Variants in NOD1 observed in about 807,000 individuals in gnomAD.
The protein encoded by NOD1 is nucleotide binding oligomerization domain containing 1.
Under a neutral mutation model 81.2 loss-of-function variants are expected in NOD1, and 70 were observed. The observed-to-expected ratio is 0.86, with a 90% CI of 0.71 to 1.05. The LOEUF (loss-of-function observed/expected upper bound fraction) is 1.05, where lower values mean the gene tolerates loss of function less well. NOD1 is among the 50% of genes least tolerant of loss of function. NOD1 has a pLI of 0.00. For missense variants in NOD1, 1,233 were observed against 1,228.0 expected, an observed-to-expected ratio of 1.00 and a Z score of -0.06; for synonymous variants, 508 against 526.9, an observed-to-expected ratio of 0.96 and a Z score of 0.49.
Position 30,452,416 on chromosome 7 carries a change from G to A in NOD1, c.1001C>T (p.Thr334Ile). The A allele has an allele frequency of 6.2e-7, 1 of 1,613,362 alleles. No individual in the cohort carries two copies. Among genetic ancestry groups the A allele is most frequent in the South Asian group, 1.1e-5 (1 of 91,074 alleles). ...KGASKLLTAR[T>I]GIEVPRQFLR... Reference sequence around the variant, plus strand: ...GAACTGGCGCGGGACCTCGATGCCTGTGCGGGCTGTGAGCAGCTTGCTAGC... The same window carrying A: ...GAACTGGCGCGGGACCTCGATGCCTATGCGGGCTGTGAGCAGCTTGCTAGC... The change falls in exon 6 of 14, where the codon ACA becomes ATA. Residue 334 changes from threonine (T) to isoleucine (I), a missense_variant. Thr to Ile is a moderately conservative substitution (Grantham distance 89). Coordinates refer to ENST00000222823, the MANE Select transcript of NOD1 (RefSeq NM_006092.4).
chr7:30,461,564 C>T (rs989843876), intron 1 of NOD1, among the ~76,000 whole-genome samples: 7 of 152,214 alleles, frequency 4.6e-5, no homozygotes, highest in Non-Finnish European at 8.8e-5. Flanking sequence ...TTTAATCGCA[C>T]ATCTCAGTTT....
chr7:30,458,744 T>C (rs899978785), intron 3 of NOD1, among the ~76,000 whole-genome samples: 4 of 151,146 alleles, frequency 2.6e-5, no homozygotes, highest in Admixed American at 6.6e-5. Flanking sequence ...CCTTTTCTTT[T>C]TTTTTTTTTT....
chr7:30,448,138 G>A (rs531021259), intron 7 of NOD1, among the ~76,000 whole-genome samples, 160 bp downstream of exon 7: 7 of 152,250 alleles, frequency 4.6e-5, no homozygotes, highest in Non-Finnish European at 7.4e-5. Context: ...ATGACTGGCC[G>A]AGCCACAAAG....
chr7:30,465,219 GCTCCTCT>G (rs1407395194), intron 1 of NOD1, among the ~76,000 whole-genome samples: 1 of 152,206 alleles, frequency 6.6e-6, no homozygotes, highest in Non-Finnish European at 1.5e-5. Context: ...CCCAGTTAGA[GCTCCTCT>G]CTCAGGGAGT....
chr7:30,465,285 A>T (rs1439530720), intron 1 of NOD1, among the ~76,000 whole-genome samples: 4 of 152,146 alleles, frequency 2.6e-5, no homozygotes, highest in Non-Finnish European at 5.9e-5. Flanking sequence ...AACCCACAGG[A>T]GGTGTGGGTT....
intron 1 of NOD1, among the ~76,000 whole-genome samples, chr7:30,477,282 G>A (rs1393299313): frequency 6.6e-6 from 1 of 152,122 alleles, no homozygotes; most frequent in African/African-American, 2.4e-5. Flanking sequence ...TGGCATATTC[G>A]GTAGAAGTCT....
rs1785821387 is a variant in NOD1 at position 30,452,270 on chromosome 7, T to G, written c.1147A>C (p.Asn383His). The G allele has an allele frequency of 1.2e-6, 2 of 1,613,468 alleles. No individual in the cohort carries two copies. The highest frequency in any genetic ancestry group is 2.2e-5 in the South Asian group (2 of 91,078). ...RLLSQLEANP[N>H]LCSLCSVPLF... Reference sequence around the variant, plus strand: ...GGCACAGAGCACAGGCTGCAGAGGTTGGGGTTGGCCTCCAGCTGGCTCAGC... The same window carrying G: ...GGCACAGAGCACAGGCTGCAGAGGTGGGGGTTGGCCTCCAGCTGGCTCAGC... Residue 383 changes from asparagine to histidine, a missense_variant, in exon 6 of 14, where the codon AAC becomes CAC. Physicochemically the swap from Asn to His is moderately conservative, Grantham distance 68 (BLOSUM62 1). Coordinates refer to ENST00000222823, the MANE Select transcript of NOD1 (RefSeq NM_006092.4).
intron 11 of NOD1, among the ~76,000 whole-genome samples, chr7:30,434,354 A>C (rs943704914): frequency 1.3e-5 from 2 of 152,192 alleles, no homozygotes; most frequent in Non-Finnish European, 2.9e-5. Context: ...TCCATGGGGC[A>C]CCTGGCCATG....
Position 30,424,779 on chromosome 7 carries a change from A to T in NOD1, c.*859T>A, listed in dbSNP as rs1468782713. 6.6e-6 allele frequency: 1 copy of T among 152,248 alleles called. No individual in the cohort carries two copies. Among genetic ancestry groups the T allele is most frequent in the Non-Finnish European group, 1.5e-5 (1 of 68,092 alleles). The allele number at this position is 152,248 out of a possible 1,614,324, so 9.4% of individuals were successfully genotyped here. A position where few individuals can be genotyped will look rare whatever the true frequency, so the allele number is the denominator to read the frequency against. ...AAGGGAGACAAAAGCAGCCATTTGGATGCCAGGGCCACAGGGGCAAGCCAT... is the reference window on the plus strand; with the variant it reads ...AAGGGAGACAAAAGCAGCCATTTGGTTGCCAGGGCCACAGGGGCAAGCCAT... On this transcript the variant is annotated 3_prime_UTR_variant, in exon 14 of 14. Coordinates refer to ENST00000222823, the MANE Select transcript of NOD1 (RefSeq NM_006092.4).
At chr7:30,465,033 GGACA>G (rs1383115902) in intron 1 of NOD1, among the ~76,000 whole-genome samples, 3 of 152,186 alleles carry the variant, frequency 2.0e-5, no homozygotes, top group East Asian at 1.9e-4. Flanking sequence ...CAACTGGGCA[GGACA>G]GACAGACACA....
intron 9 of NOD1, among the ~76,000 whole-genome samples, chr7:30,445,588 G>C (rs1212114683): frequency 6.6e-6 from 1 of 151,460 alleles, no homozygotes; most frequent in Admixed American, 6.6e-5. Flanking sequence ...GTGAAACCCC[G>C]CCTCTACTAA....
chr7:30,451,557 C>A lies in NOD1; in HGVS notation c.1860G>T (p.Leu620=). Residue 620 remains leucine, a synonymous_variant, in exon 6 of 14, where the codon CTG becomes CTT. Coordinates refer to ENST00000222823, the MANE Select transcript of NOD1 (RefSeq NM_006092.4). This position sits in a 1 kb window ranked among gnomAD's most constrained non-coding sequence, Gnocchi z 4.2. ...GCAGGCTGGAAAACAGGTGTGCCCA[C>A]AGGGCCTTGCGCTTTCTCCTCAGGG... ...AAALRRKRKA[L]WAHLFSSLRG... The A allele has an allele frequency of 6.2e-7, 1 of 1,613,438 alleles. No homozygotes were observed. Among genetic ancestry groups the A allele is most frequent in the South Asian group, 1.1e-5 (1 of 91,030 alleles).
chr7:30,475,282 T>C (rs888550731), intron 1 of NOD1, among the ~76,000 whole-genome samples: 3 of 152,154 alleles, frequency 2.0e-5, no homozygotes, highest in Non-Finnish European at 4.4e-5. Context: ...ATGGTGGCAA[T>C]GACAGAACAG....
Position 30,425,461 on chromosome 7 carries a change from G to T in NOD1, c.*177C>A. 1 of 621,054 alleles carries T rather than the reference G, an allele frequency of 1.6e-6. No individual in the cohort carries two copies. Among genetic ancestry groups the T allele is most frequent in the African/African-American group, 1.8e-5 (1 of 54,214 alleles). The allele number at this position is 621,054 out of a possible 1,614,324, so 38.5% of individuals were successfully genotyped here. ...TCTGCAGAATTGTAGCGGGTACTTA[G>T]GGAGTTTGCCGACCAGACCTTCTGC... On this transcript the variant is annotated 3_prime_UTR_variant, in exon 14 of 14. Coordinates refer to ENST00000222823, the MANE Select transcript of NOD1 (RefSeq NM_006092.4).
intron 4 of NOD1, 77 bp downstream of exon 4, chr7:30,456,644 C>T: frequency 1.5e-6 from 2 of 1,326,558 alleles, no homozygotes; most frequent in Admixed American, 1.7e-5. Flanking sequence ...ACGCTCTTCA[C>T]TCAGATCAGC....
intron 6 of NOD1, among the ~76,000 whole-genome samples, chr7:30,449,044 T>C (rs1785411940): frequency 6.6e-6 from 1 of 152,216 alleles, no homozygotes; most frequent in Admixed American, 6.5e-5. Context: ...TCACAGCTAC[T>C]CAACTGTGTA....
chr7:30,426,724 G>A (rs936322313), intron 13 of NOD1, among the ~76,000 whole-genome samples: 3 of 152,042 alleles, frequency 2.0e-5, no homozygotes, highest in Admixed American at 2.0e-4. Flanking sequence ...TCAGCCTCCT[G>A]TAGTCCCCTC....
chr7:30,462,648 G>C (rs1449491691), intron 1 of NOD1, among the ~76,000 whole-genome samples: 1 of 152,136 alleles, frequency 6.6e-6, no homozygotes, highest in Non-Finnish European at 1.5e-5. Flanking sequence ...AGAGAAGCCA[G>C]ACTCAAAAGA....
chr7:30,431,238 C>G (rs561449574), intron 12 of NOD1, among the ~76,000 whole-genome samples: 6 of 143,858 alleles, frequency 4.2e-5, no homozygotes, highest in African/African-American at 1.3e-4. Context: ...TCAAATAATT[C>G]TGCAGGCTAA....
Sources: gnomAD v4.1 joint callset for allele counts (sites outside exome capture counted in the v4.1 genomes callset) on GRCh38, gnomAD v4.1.1 for gene constraint, Gnocchi (gnomAD v3.1) non-coding constraint, MANE v1.5 for transcripts, NCBI Gene and HGNC (gene_info 2026-07-23, HGNC 2026-07-21) for gene names.